Variants in ACTN4 observed in about 807,000 individuals in gnomAD.
ACTN4 encodes the protein actinin alpha 4.
A neutral mutation model predicts 114.2 loss-of-function variants in ACTN4; 18 were observed. The ratio of observed to expected loss-of-function variants is 0.16; its 90% CI spans 0.11 to 0.23. The LOEUF (loss-of-function observed/expected upper bound fraction) is 0.23. Among genes scored for constraint, ACTN4 ranks in the 10% least tolerant of loss-of-function variants. The probability of loss-of-function intolerance (pLI) is 1.00; values close to 1 mark genes in which losing one functional copy is unlikely to be tolerated. For synonymous variants in ACTN4, 515 were observed against 506.3 expected, an observed-to-expected ratio of 1.02 and a Z score of -0.23; for missense variants, 722 against 1,262.9, an observed-to-expected ratio of 0.57 and a Z score of 6.49.
intron 7 of ACTN4, among the ~76,000 whole-genome samples, chr19:38,710,021 G>A (rs1968589992): frequency 6.6e-6 from 1 of 152,142 alleles, no homozygotes; most frequent in Non-Finnish European, 1.5e-5. Context: ...GCTCCTTGAG[G>A]CCATTCTCAG....
intron 3 of ACTN4, among the ~76,000 whole-genome samples, chr19:38,704,179 CA>C (rs778081629): frequency 3.3e-5 from 5 of 152,214 alleles, no homozygotes; most frequent in Admixed American, 6.5e-5. Context: ...GATGTTGTGG[CA>C]TGCGTCTGTG....
Position 38,723,741 on chromosome 19 carries a change from C to T in ACTN4, c.1551+19C>T, listed in dbSNP as rs1455564329. The T allele has an allele frequency of 2.5e-6, 4 of 1,584,486 alleles. No homozygotes were observed. The highest frequency in any genetic ancestry group is 2.3e-5 in the East Asian group (1 of 44,068). On this transcript the variant is annotated intron_variant, in intron 13 of 20. Transcript: ENST00000252699. ...CCTGGAGGTGAGGAGGGGGTGACAT[C>T]ACCCACGGAGCTCTGTGCCCCTGCT...
At chr19:38,707,133 G>A (rs8105550) in intron 5 of ACTN4, among the ~76,000 whole-genome samples, 8,534 of 152,200 alleles carry the variant, frequency 0.056, 254 homozygotes, top group South Asian at 0.096. Flanking sequence ...TTTTCCCATC[G>A]TGCTCACCCT....
intron 1 of ACTN4, among the ~76,000 whole-genome samples, chr19:38,685,278 G>C (rs1374580826): frequency 6.6e-6 from 1 of 152,162 alleles, no homozygotes; most frequent in Non-Finnish European, 1.5e-5. Context: ...CACCATCCTA[G>C]TGCTTGGGAG....
At chr19:38,652,132 G>A (rs1333868980) in intron 1 of ACTN4, among the ~76,000 whole-genome samples, 1 of 152,012 alleles carries the variant, frequency 6.6e-6, no homozygotes, top group African/African-American at 2.4e-5. Flanking sequence ...CTAATTGCTT[G>A]CCTCTTAGGA....
intron 1 of ACTN4, among the ~76,000 whole-genome samples, chr19:38,659,919 A>ATCT (rs1376912772): frequency 9.6e-6 from 1 of 104,128 alleles, no homozygotes; most frequent in African/African-American, 3.1e-5. Context: ...TTTCTATATG[A>ATCT]TCTTTTTTTT....
intron 1 of ACTN4, among the ~76,000 whole-genome samples, chr19:38,683,505 AG>A (rs1458227262): frequency 6.6e-6 from 1 of 152,170 alleles, no homozygotes; most frequent in African/African-American, 2.4e-5. Context: ...CATTGGTGGG[AG>A]GGAGAATGAG....
intron 1 of ACTN4, among the ~76,000 whole-genome samples, chr19:38,651,792 GTGGTGTGATC>G (rs1294035313): frequency 1.3e-5 from 2 of 151,886 alleles, no homozygotes; most frequent in African/African-American, 4.9e-5. Context: ...CTGGAGTGCA[GTGGTGTGATC>G]TTGGCTCACC....
chr19:38,694,897 C>T (rs745559344), intron 1 of ACTN4, among the ~76,000 whole-genome samples: 1 of 152,118 alleles, frequency 6.6e-6, no homozygotes, highest in African/African-American at 2.4e-5. Flanking sequence ...CGGGTTGAGA[C>T]AGGGTCTGGC....
intron 1 of ACTN4, among the ~76,000 whole-genome samples, chr19:38,666,054 G>A (rs1966948606): frequency 6.6e-6 from 1 of 152,092 alleles, no homozygotes; most frequent in Non-Finnish European, 1.5e-5. Flanking sequence ...CCCAGCTGCC[G>A]ACCTGGAACG....
At position 38,664,653 on chromosome 19, in the gene ACTN4, G is replaced by A. The variant is rs183363253; in HGVS notation, c.162+16746G>A. ...TTGCTGGATTGAGCCCGTCCCTGCA[G>A]CCTGGGCACGGGAGCACTGCAGTGC... is the stretch of plus-strand genomic sequence containing the variant. On this transcript the variant is annotated intron_variant, in intron 1 of 20. Coordinates refer to ENST00000252699, the MANE Select transcript of ACTN4 (RefSeq NM_004924.6). Among the ~76,000 whole-genome samples, 109 of 152,262 alleles carry A rather than the reference G, an allele frequency of 7.2e-4. 1 individual carries two copies. The highest frequency in any genetic ancestry group is 2.5e-3 in the African/African-American group (103 of 41,544).
intron 3 of ACTN4, 128 bp downstream of exon 3, chr19:38,701,249 AC>A: frequency 6.8e-6 from 10 of 1,464,276 alleles, no homozygotes; most frequent in Non-Finnish European, 9.3e-6. Flanking sequence ...GAGCCCCAGT[AC>A]ATACTCAGCA....
At chr19:38,710,146 G>A (rs1327811979) in intron 7 of ACTN4, 111 bp from the exon 8 acceptor site, 27 of 1,109,322 alleles carry the variant, frequency 2.4e-5, no homozygotes, top group Non-Finnish European at 3.7e-5. Context: ...GCGTCACTCT[G>A]CAGGTCCCTC....
rs1415361217 is a variant in ACTN4 at position 38,730,163 on chromosome 19, T to G, written c.*731T>G. 2 of 142,972 alleles carry G rather than the reference T, an allele frequency of 1.4e-5. No individual in the cohort carries two copies. The highest frequency in any genetic ancestry group is 2.7e-5 in the African/African-American group (1 of 37,466). 8.9% of individuals were successfully genotyped at this position (142,972 alleles called of 1,614,324 possible). ...AAAAAAATCACAAAAACAAAAAAAC[T>G]ATAAAAAAGAAAGAATTAAAAACTT... On this transcript the variant is annotated 3_prime_UTR_variant, in exon 21 of 21. Coordinates refer to ENST00000252699, the MANE Select transcript of ACTN4 (RefSeq NM_004924.6).
chr19:38,725,955 C>T (rs780341697), intron 17 of ACTN4, 52 bp downstream of exon 17: 3 of 1,604,992 alleles, frequency 1.9e-6, no homozygotes, highest in South Asian at 2.2e-5. Flanking sequence ...CCGGCTTCCT[C>T]ACTGGAAATG....
intron 1 of ACTN4, among the ~76,000 whole-genome samples, chr19:38,697,019 G>A (rs1968117771): frequency 6.6e-6 from 1 of 152,250 alleles, no homozygotes; most frequent in Non-Finnish European, 1.5e-5. Context: ...TTACTGTCCT[G>A]TTTATCAGTG....
chr19:38,651,372 G>A (rs1042523406), intron 1 of ACTN4, among the ~76,000 whole-genome samples: 7 of 152,140 alleles, frequency 4.6e-5, no homozygotes, highest in Non-Finnish European at 5.9e-5. Context: ...TTCTCCTGGC[G>A]GGATGGAGAA....
At chr19:38,708,537 A>G (rs1281024426) in intron 6 of ACTN4, among the ~76,000 whole-genome samples, 2 of 152,210 alleles carry the variant, frequency 1.3e-5, no homozygotes, top group African/African-American at 2.4e-5. Flanking sequence ...AGGGCAAGGA[A>G]TTCCAAACCA....
At chr19:38,713,645 C>T (rs1014063153) in intron 8 of ACTN4, among the ~76,000 whole-genome samples, 1 of 152,222 alleles carries the variant, frequency 6.6e-6, no homozygotes, top group African/African-American at 2.4e-5. Context: ...GGCGTCGCTG[C>T]CTGCAGCACT....
Sources: gnomAD v4.1 joint callset for allele counts (sites outside exome capture counted in the v4.1 genomes callset) on GRCh38, gnomAD v4.1.1 for gene constraint, MANE v1.5 for transcripts, NCBI Gene and HGNC (gene_info 2026-07-23, HGNC 2026-07-21) for gene names.